The following CAP2 variants were observed in gnomAD, a reference collection of about 807,000 sequenced individuals.
CAP2 encodes cyclase associated actin cytoskeleton regulatory protein 2, also known as adenylyl cyclase-associated protein 2.
Under a neutral mutation model 57.7 loss-of-function variants are expected in CAP2, and 24 were observed. The ratio of observed to expected loss-of-function variants is 0.42; its 90% confidence interval spans 0.30 to 0.58. The LOEUF (loss-of-function observed/expected upper bound fraction) is 0.58. Ranked by LOEUF, CAP2 falls within the 20% of genes least tolerant of loss-of-function variation. CAP2 has a pLI of 0.22. For synonymous variants in CAP2, 194 were observed against 207.2 expected, an observed-to-expected ratio of 0.94 and a Z score of 0.55; for missense variants, 501 against 590.3, an observed-to-expected ratio of 0.85 and a Z score of 1.57.
At chr6:17,487,548 C>T (rs1221329460) in intron 4 of CAP2, among the ~76,000 whole-genome samples, 1 of 152,198 alleles carries the variant, frequency 6.6e-6, no homozygotes, top group East Asian at 1.9e-4. Context: ...TGGCTCACTG[C>T]AACCTCCGCC....
intron 4 of CAP2, among the ~76,000 whole-genome samples, chr6:17,464,645 C>G (rs1166568390): frequency 6.6e-6 from 1 of 152,192 alleles, no homozygotes; most frequent in Non-Finnish European, 1.5e-5. Flanking sequence ...TCAACCAGAG[C>G]TGTCAGCCCC....
intron 7 of CAP2, among the ~76,000 whole-genome samples, chr6:17,538,009 G>A (rs181298442): frequency 4.6e-5 from 7 of 152,230 alleles, no homozygotes; most frequent in Non-Finnish European, 8.8e-5. Flanking sequence ...TGATGTTGTA[G>A]GGAGCCGAGA....
chr6:17,551,052 T>G (rs1763160755), intron 11 of CAP2, among the ~76,000 whole-genome samples: 1 of 152,240 alleles, frequency 6.6e-6, no homozygotes, highest in African/African-American at 2.4e-5. Context: ...GTTTTAATCC[T>G]AGTTTCATAG....
intron 4 of CAP2, among the ~76,000 whole-genome samples, chr6:17,471,264 A>T (rs1761011506): frequency 6.6e-6 from 1 of 152,224 alleles, no homozygotes; most frequent in Admixed American, 6.5e-5. Flanking sequence ...TTCCTGAAAG[A>T]TTTGGCCATG....
At chr6:17,430,428 GTAAA>G (rs1202045614) in intron 3 of CAP2, among the ~76,000 whole-genome samples, 1 of 152,104 alleles carries the variant, frequency 6.6e-6, no homozygotes, top group Non-Finnish European at 1.5e-5. Flanking sequence ...TAGATATTGG[GTAAA>G]TAGAGTTCTC....
At chr6:17,522,995 A>G (rs1188328590) in intron 7 of CAP2, among the ~76,000 whole-genome samples, 1 of 152,146 alleles carries the variant, frequency 6.6e-6, no homozygotes, top group East Asian at 1.9e-4. Context: ...TGGCCTCCCA[A>G]AGTGCTGGGA....
rs915077762 is a variant in CAP2, at chr6:17,499,542, A to C, written c.301-7627A>C. Among the ~76,000 whole-genome samples, 8 of 151,748 alleles carry C rather than the reference A, an allele frequency of 5.3e-5. No homozygotes were observed. In the East Asian group the frequency reaches 1.4e-3, roughly 26 times the overall value. ...CCAGGTTTTATATTCTTGAAGAATG[A>C]TTTTTAGATAATATAAGCAAATATA... On this transcript the variant is annotated intron_variant, in intron 4 of 12. Transcript: ENST00000229922.
chr6:17,468,220 C>T (rs776350545), intron 4 of CAP2, among the ~76,000 whole-genome samples: 14 of 152,108 alleles, frequency 9.2e-5, no homozygotes, highest in Admixed American at 2.0e-4. Context: ...TGGCAGAAGC[C>T]GGATAAAGGA....
At chr6:17,474,183 G>GTGTTTTGT (rs1561796154) in intron 4 of CAP2, among the ~76,000 whole-genome samples, 1 of 104,738 alleles carries the variant, frequency 9.5e-6, no homozygotes, top group African/African-American at 3.8e-5. Context: ...GAAAAAAACA[G>GTGTTTTGT]TCTTTTTTTT....
At chr6:17,408,938 G>A (rs1048526985) in intron 1 of CAP2, among the ~76,000 whole-genome samples, 1 of 151,468 alleles carries the variant, frequency 6.6e-6, no homozygotes, top group African/African-American at 2.4e-5. Context: ...CCAAGTGCTG[G>A]GATTACAGGC....
At chr6:17,540,462 A>T (rs964520053) in intron 8 of CAP2, among the ~76,000 whole-genome samples, 3 of 152,074 alleles carry the variant, frequency 2.0e-5, no homozygotes, top group East Asian at 1.9e-4. Context: ...AAAAAAAAAA[A>T]AATACTTGGC....
intron 4 of CAP2, among the ~76,000 whole-genome samples, chr6:17,477,637 G>A (rs954967850): frequency 2.0e-5 from 3 of 152,188 alleles, no homozygotes; most frequent in Admixed American, 2.0e-4. Flanking sequence ...CCATATTTAG[G>A]GGATGCACAG....
chr6:17,501,761 C>T (rs570493861), intron 4 of CAP2, among the ~76,000 whole-genome samples: 3 of 152,214 alleles, frequency 2.0e-5, no homozygotes, highest in Non-Finnish European at 4.4e-5. Context: ...TAACAGGACT[C>T]AGTTCTTCAA....
chr6:17,547,925 C>T (rs1312218541), intron 11 of CAP2, among the ~76,000 whole-genome samples: 2 of 151,760 alleles, frequency 1.3e-5, no homozygotes, highest in East Asian at 1.9e-4. Flanking sequence ...CAAAAATGCC[C>T]TTATTTCCCA....
intron 1 of CAP2, among the ~76,000 whole-genome samples, chr6:17,408,275 C>T (rs34162954): frequency 1.1e-4 from 16 of 151,918 alleles, no homozygotes; most frequent in Admixed American, 4.6e-4. Context: ...GATTACACGG[C>T]GAGAGAAGAA....
At chr6:17,435,447 C>T (rs1267638754) in intron 3 of CAP2, among the ~76,000 whole-genome samples, 2 of 45,300 alleles carry the variant, frequency 4.4e-5, no homozygotes, top group East Asian at 5.5e-4. Flanking sequence ...AACCAAACAC[C>T]GCATATTCTC....
At chr6:17,468,221 G>A (rs1009889465) in intron 4 of CAP2, among the ~76,000 whole-genome samples, 24 of 152,048 alleles carry the variant, frequency 1.6e-4, no homozygotes, top group African/African-American at 5.5e-4. Context: ...GGCAGAAGCC[G>A]GATAAAGGAT....
intron 11 of CAP2, among the ~76,000 whole-genome samples, chr6:17,544,533 A>G (rs1454588389): frequency 6.7e-6 from 1 of 148,516 alleles, no homozygotes. Flanking sequence ...TTGGCCAATT[A>G]TAACTTCTAT....
At chr6:17,464,390 G>A (rs1047134334) in intron 4 of CAP2, among the ~76,000 whole-genome samples, 4 of 152,160 alleles carry the variant, frequency 2.6e-5, no homozygotes, top group Non-Finnish European at 2.9e-5. Flanking sequence ...TTTGAGCTAA[G>A]AATCCTGGGA....
Sources: allele counts gnomAD v4.1 joint callset (sites outside exome capture counted in the v4.1 genomes callset), GRCh38; gene constraint gnomAD v4.1.1; transcripts MANE v1.5; gene names NCBI Gene and HGNC (gene_info 2026-07-23, HGNC 2026-07-21).